The following SORBS2 variants were observed in gnomAD, a reference collection of about 807,000 sequenced individuals.
The protein encoded by SORBS2 is sorbin and SH3 domain containing 2.
A neutral mutation model predicts 97.7 loss-of-function variants in SORBS2; 46 were observed. The observed-to-expected ratio is 0.47, with a 90% CI of 0.37 to 0.60. SORBS2 has a LOEUF of 0.60. Among genes scored for constraint, SORBS2 ranks in the 20% least tolerant of loss-of-function variants. SORBS2 has a pLI of 0.00. For synonymous variants in SORBS2, 476 were observed against 473.4 expected (o/e 1.01, Z -0.07); for missense variants, 1,316 against 1,282.3 (o/e 1.03, Z -0.40).
intron 1 of SORBS2, among the ~76,000 whole-genome samples, chr4:185,874,581 A>C (rs72707664): frequency 3.3e-5 from 5 of 152,058 alleles, no homozygotes; most frequent in Admixed American, 6.6e-5. Flanking sequence ...TCAAGCTAAG[A>C]AGCAGCTTTA....
chr4:185,681,089 G>A lies in SORBS2; in HGVS notation c.-197-2267C>T, dbSNP rs536790797. On this transcript the variant is annotated intron_variant, in intron 2 of 20. Transcript: ENST00000284776. ...GAAAGGAGAAAATGGCCATTGAGTCGAACTTCAGGATGAACCAGTATTTTA... is the reference window on the plus strand; with the variant it reads ...GAAAGGAGAAAATGGCCATTGAGTCAAACTTCAGGATGAACCAGTATTTTA... Among the ~76,000 whole-genome samples, 7 of 152,216 alleles carry A rather than the reference G, an allele frequency of 4.6e-5. No individual in the cohort carries two copies. In the South Asian group the frequency reaches 6.2e-4, roughly 14 times the overall value.
chr4:185,741,014 C>A (rs2098721569), intron 2 of SORBS2, among the ~76,000 whole-genome samples: 1 of 152,030 alleles, frequency 6.6e-6, no homozygotes, highest in African/African-American at 2.4e-5. Context: ...CCAACTCAAA[C>A]CAGCACCAAC....
At chr4:185,655,033 G>A (rs1303937319) in intron 1 of SORBS2, among the ~76,000 whole-genome samples, 1 of 152,166 alleles carries the variant, frequency 6.6e-6, no homozygotes. Flanking sequence ...AAAGAATCTT[G>A]TATTTCACTT....
chr4:185,663,885 C>T (rs535322139), intron 4 of SORBS2, among the ~76,000 whole-genome samples: 2 of 127,726 alleles, frequency 1.6e-5, no homozygotes, highest in Non-Finnish European at 3.1e-5. Context: ...GATGGAGTCT[C>T]GCTCTGTCGC....
At chr4:185,614,872 T>A in exon 11 of SORBS2, 1 of 1,614,180 alleles carries the variant, frequency 6.2e-7, no homozygotes, top group Non-Finnish European at 8.5e-7. Context: ...GCGTTGAAGT[T>A]GTATTTGGCT....
intron 1 of SORBS2, among the ~76,000 whole-genome samples, chr4:185,783,138 T>G (rs57144668): frequency 6.6e-6 from 1 of 152,050 alleles, no homozygotes; most frequent in African/African-American, 2.4e-5. Flanking sequence ...TTGAAACTCA[T>G]GACGGTGAAG....
intron 1 of SORBS2, among the ~76,000 whole-genome samples, chr4:185,822,639 C>G (rs1008952989): frequency 6.6e-6 from 1 of 152,206 alleles, no homozygotes; most frequent in African/African-American, 2.4e-5. Flanking sequence ...TAGATTGTGG[C>G]ACAGCCACGC....
At chr4:185,658,314 G>T (rs146396221), upstream of SORBS2, among the ~76,000 whole-genome samples, 2 of 152,208 alleles carry the variant, frequency 1.3e-5, no homozygotes, top group Non-Finnish European at 2.9e-5. Flanking sequence ...GAGGCTTATC[G>T]AGTTCTTCAT....
intron 1 of SORBS2, among the ~76,000 whole-genome samples, chr4:185,861,027 G>A (rs866121652): frequency 1.3e-5 from 2 of 152,324 alleles, no homozygotes; most frequent in Middle Eastern, 3.4e-3. Context: ...GCTTTGCTGG[G>A]CCATTTCAAA....
chr4:185,892,180 T>C (rs984138183), intron 1 of SORBS2, among the ~76,000 whole-genome samples: 1 of 152,182 alleles, frequency 6.6e-6, no homozygotes, highest in Non-Finnish European at 1.5e-5. Flanking sequence ...TCTTTGAGCA[T>C]CAAAGTAAAC....
chr4:185,664,530 C>A (rs994707776), intron 4 of SORBS2, among the ~76,000 whole-genome samples: 1 of 152,142 alleles, frequency 6.6e-6, no homozygotes, highest in African/African-American at 2.4e-5. Context: ...CTGCTGTGCT[C>A]CTGGTGCCCG....
chr4:185,807,793 A>C (rs1245408457), intron 1 of SORBS2, among the ~76,000 whole-genome samples: 1 of 152,258 alleles, frequency 6.6e-6, no homozygotes, highest in African/African-American at 2.4e-5. Context: ...TTAGGATTTA[A>C]CAGGCATATC....
rs570713211 is a variant in SORBS2, at chr4:185,757,617, T to C, written c.-198+17610A>G. Among the ~76,000 whole-genome samples, 31 of 151,722 alleles carry C rather than the reference T, an allele frequency of 2.0e-4. No individual in the cohort carries two copies. The East Asian group carries it at 6.0e-3, about 29-fold the overall frequency. ...ATTCCATTTTAAGAGTTATTCCATG[T>C]CCTGGGAAATTAAATCACTGTCTCA... On this transcript the variant is annotated intron_variant, in intron 2 of 20. Coordinates refer to the SORBS2 transcript ENST00000284776.
intron 1 of SORBS2, among the ~76,000 whole-genome samples, chr4:185,890,571 C>T (rs1322325758): frequency 6.6e-6 from 1 of 152,168 alleles, no homozygotes; most frequent in Admixed American, 6.5e-5. Flanking sequence ...TTCCGGACTC[C>T]CCCACAGTCT....
At position 185,916,555 on chromosome 4, in the gene SORBS2, G is replaced by A. The variant is rs2149901714; in HGVS notation, c.-338+39641C>T. On this transcript the variant is annotated intron_variant, in intron 1 of 20. Transcript: ENST00000284776. ...TTCTTGAAGTGGCCTGGTATAAAAA[G>A]AGGACTGGTTTGTGAATAGAGAATT... Among the ~76,000 whole-genome samples the A allele has an allele frequency of 1.3e-5, 2 of 152,328 alleles. 1 individual carries two copies. The highest frequency in any genetic ancestry group is 6.8e-3 in the Middle Eastern group (2 of 294).
intron 2 of SORBS2, among the ~76,000 whole-genome samples, chr4:185,731,434 A>G (rs769771047): frequency 6.8e-6 from 1 of 146,362 alleles, no homozygotes; most frequent in Non-Finnish European, 1.5e-5. Context: ...TGGCTTTTAG[A>G]AAGTGTTCTC....
chr4:185,695,080 G>A (rs12507995), intron 2 of SORBS2, among the ~76,000 whole-genome samples: 29,646 of 151,792 alleles, frequency 0.2, 3,560 homozygotes, highest in South Asian at 0.37. Flanking sequence ...TTCTCAATAC[G>A]TATAAGAGAA....
chr4:185,853,354 T>C (rs1454271956), intron 1 of SORBS2, among the ~76,000 whole-genome samples: 3 of 152,194 alleles, frequency 2.0e-5, no homozygotes, highest in Non-Finnish European at 4.4e-5. Flanking sequence ...GCAGGAAGTA[T>C]GCTATCTTTG....
chr4:185,827,842 G>GTCACCA (rs567546165), intron 1 of SORBS2, among the ~76,000 whole-genome samples: 3,157 of 108,102 alleles, frequency 0.029, 49 homozygotes, highest in Middle Eastern at 0.077. Context: ...CATCATCATC[G>GTCACCA]TCACCATCAT....
Sources: allele counts gnomAD v4.1 joint callset (sites outside exome capture counted in the v4.1 genomes callset), GRCh38; gene constraint gnomAD v4.1.1; transcripts MANE v1.5; gene names NCBI Gene and HGNC (gene_info 2026-07-23, HGNC 2026-07-21).